Variants in WDR36 observed in about 807,000 individuals in gnomAD.
WDR36 encodes WD repeat domain 36, also known as WD repeat-containing protein 36.
WDR36 carries 63 observed loss-of-function variants against 112.7 expected under a neutral mutation model. The ratio of observed to expected loss-of-function variants is 0.56; its 90% CI spans 0.46 to 0.69. WDR36 has a LOEUF of 0.69. WDR36 is among the 30% of genes least tolerant of loss of function. The probability of loss-of-function intolerance (pLI) is 0.00; values close to 1 mark genes in which losing one functional copy is unlikely to be tolerated. For missense variants in WDR36, 1,226 were observed against 1,070.3 expected, an observed-to-expected ratio of 1.15 and a Z score of -2.03; for synonymous variants, 410 against 362.2, an observed-to-expected ratio of 1.13 and a Z score of -1.50.
At chr5:111,097,564 T>A (rs1041454526) in intron 3 of WDR36, among the ~76,000 whole-genome samples, 3 of 152,244 alleles carry the variant, frequency 2.0e-5, no homozygotes, top group African/African-American at 7.2e-5. Flanking sequence ...TTTATGTGGA[T>A]TGGTTATTTA....
Position 111,126,767 on chromosome 5 carries a change from C to T in WDR36, c.2572C>T (p.Leu858Phe), listed in dbSNP as rs1285220049. 2 of 1,613,558 alleles carry T rather than the reference C, an allele frequency of 1.2e-6. No individual in the cohort carries two copies. The highest frequency in any genetic ancestry group is 4.5e-5 in the East Asian group (2 of 44,836). ...HLKMLPSEPV[L>F]LEEITNLSSQ... ...TAAAATGCTTCCTTCAGAGCCAGTA[C>T]TCCTAGAAGAAATAACAAATTTGTC... is the stretch of plus-strand genomic sequence containing the variant. Residue 858 changes from leucine to phenylalanine, a missense_variant, in exon 23 of 23, where the codon CTC becomes TTC. Leu to Phe is a conservative substitution (Grantham distance 22). Coordinates refer to ENST00000513710, the MANE Select transcript of WDR36 (RefSeq NM_139281.3).
intron 21 of WDR36, among the ~76,000 whole-genome samples, chr5:111,124,949 G>A (rs1753648100): frequency 6.6e-6 from 1 of 152,170 alleles, no homozygotes; most frequent in African/African-American, 2.4e-5. Context: ...TGTCATTGGT[G>A]ATACTCTTTT....
At position 111,124,140 on chromosome 5, in the gene WDR36, A is replaced by C. The variant is rs1353229226; in HGVS notation, c.2301A>C (p.Gln767His). 6.2e-7 allele frequency: 1 copy of C among 1,613,090 alleles called. No individual in the cohort carries two copies. The highest frequency in any genetic ancestry group is 2.2e-5 in the East Asian group (1 of 44,750). ...SKVVNLGVLA[Q>H]KSDFCLKLEE... ...TGGTAAATCTTGGAGTTTTGGCTCA[A>C]AAATCAGATTTCTGCTTGAAACTTG... The change falls in exon 21 of 23, where the codon CAA (glutamine) becomes CAC (histidine). Residue 767 changes from glutamine to histidine, a missense_variant. Transcript: ENST00000513710.
Position 111,099,452 on chromosome 5 carries a change from T to G in WDR36, c.409+613T>G, listed in dbSNP as rs542448717. ...TATATTGCCTCTTGGTTTTTTTTTG[T>G]TTTTTTTTTTGTTTTTTTTTTTTTT... is the stretch of plus-strand genomic sequence containing the variant. On this transcript the variant is annotated intron_variant, in intron 4 of 22. Coordinates refer to ENST00000513710, the MANE Select transcript of WDR36 (RefSeq NM_139281.3). Among the ~76,000 whole-genome samples the G allele has an allele frequency of 7.8e-3, 586 of 74,868 alleles. 1 individual carries two copies. The highest frequency in any genetic ancestry group is 0.036 in the African/African-American group (549 of 15,112). 49.1% of individuals were successfully genotyped at this position (74,868 alleles called of 152,430 possible).
At chr5:111,095,011 G>C in intron 2 of WDR36, 64 bp downstream of exon 2, 1 of 1,461,558 alleles carries the variant, frequency 6.8e-7, no homozygotes, top group Non-Finnish European at 9.4e-7. Context: ...TGACATAAAT[G>C]TGAGACTTAC....
chr5:111,098,979 AAG>A (rs368196240), intron 4 of WDR36, 140 bp downstream of exon 4: 1 of 652,654 alleles, frequency 1.5e-6, no homozygotes, highest in African/African-American at 1.8e-5. Context: ...TTTAACGTGT[AAG>A]AAAAAAAGTT....
At chr5:111,100,905 A>G (rs879844963) in intron 5 of WDR36, among the ~76,000 whole-genome samples, 184 bp downstream of exon 5, 2 of 151,996 alleles carry the variant, frequency 1.3e-5, no homozygotes, top group Non-Finnish European at 2.9e-5. Context: ...ATTCAAGGAA[A>G]AATAAATAAA....
Position 111,123,959 on chromosome 5 carries a change from G to A in WDR36, c.2268+35G>A, listed in dbSNP as rs532647620. Reference sequence around the variant, plus strand: ...AAATTAGAAGATTCTAAGTATATCGGTGTATGTTTGTATGTGTTTTCTGCA... The same window carrying A: ...AAATTAGAAGATTCTAAGTATATCGATGTATGTTTGTATGTGTTTTCTGCA... On this transcript the variant is annotated intron_variant, in intron 20 of 22. Coordinates refer to ENST00000513710, the MANE Select transcript of WDR36 (RefSeq NM_139281.3). 101 of 1,612,372 alleles carry A rather than the reference G, an allele frequency of 6.3e-5. 2 individuals carry two copies. In the South Asian group the frequency reaches 1.1e-3, roughly 17 times the overall value.
chr5:111,107,471 C>T, intron 12 of WDR36, 32 bp downstream of exon 12: 1 of 1,605,936 alleles, frequency 6.2e-7, no homozygotes, highest in Non-Finnish European at 8.5e-7. Context: ...AGTATCTTCT[C>T]TTTAAAACTT....
At chr5:111,117,252 G>A (rs79310117) in intron 16 of WDR36, among the ~76,000 whole-genome samples, 1 of 152,142 alleles carries the variant, frequency 6.6e-6, no homozygotes, top group African/African-American at 2.4e-5. Flanking sequence ...TGATGTGTGT[G>A]TGTTTGTTTC....
chr5:111,117,355 GT>G (rs1753475138), intron 16 of WDR36, among the ~76,000 whole-genome samples: 1 of 152,066 alleles, frequency 6.6e-6, no homozygotes, highest in Non-Finnish European at 1.5e-5. Flanking sequence ...TGAGAGAGGC[GT>G]TTTACCATGG....
At position 111,103,893 on chromosome 5, in the gene WDR36, C is replaced by G; in HGVS notation, c.705C>G (p.Pro235=). 1 of 1,611,144 alleles carries G rather than the reference C, an allele frequency of 6.2e-7. No individual in the cohort carries two copies. Among genetic ancestry groups the G allele is most frequent in the Non-Finnish European group, 8.5e-7 (1 of 1,178,178 alleles). The change falls in exon 7 of 23, where the codon CCC becomes CCG. Residue 235 remains proline (P), a synonymous_variant. Coordinates refer to ENST00000513710, the MANE Select transcript of WDR36 (RefSeq NM_139281.3). ...TGAAGTTTCGTCAAGACTGGGGACC[C>G]ATTACTTCAATTTCATTTCGCACAG... is the stretch of plus-strand genomic sequence containing the variant. ...TLMKFRQDWG[P]ITSISFRTDG...
In WDR36 at chr5:111,092,682, G is replaced by A. The variant is rs1752891801; in HGVS notation, c.162+64G>A. 5 of 1,528,516 alleles carry A rather than the reference G, an allele frequency of 3.3e-6. No homozygotes were observed. The African/African-American group carries it at 4.1e-5, about 12-fold the overall frequency. 94.7% of individuals were successfully genotyped at this position (1,528,516 alleles called of 1,614,324 possible). A position where few individuals can be genotyped will look rare whatever the true frequency, so the allele number is the denominator to read the frequency against. ...CCTCCTTGGCCTCTAACTCTGTCCTGGAGCAGTCCGGTTCTCCCTTCCCAT... is the reference window on the plus strand; with the variant it reads ...CCTCCTTGGCCTCTAACTCTGTCCTAGAGCAGTCCGGTTCTCCCTTCCCAT... On this transcript the variant is annotated intron_variant, in intron 1 of 22. Coordinates refer to ENST00000513710, the MANE Select transcript of WDR36 (RefSeq NM_139281.3).
intron 16 of WDR36, among the ~76,000 whole-genome samples, chr5:111,115,468 T>G (rs987955964): frequency 6.6e-6 from 1 of 152,144 alleles, no homozygotes; most frequent in Non-Finnish European, 1.5e-5. Context: ...GTGACTTAGT[T>G]TATAAATGAC....
intron 22 of WDR36, 34 bp downstream of exon 22, chr5:111,125,829 GTCT>G (rs1255011676): frequency 6.2e-6 from 10 of 1,611,450 alleles, no homozygotes; most frequent in Middle Eastern, 1.6e-4. Context: ...TGCCCAGCTT[GTCT>G]TCTTCTGGGG....
At chr5:111,123,665 C>A in intron 19 of WDR36, 140 bp from the exon 20 acceptor site, 1 of 1,150,182 alleles carries the variant, frequency 8.7e-7, no homozygotes, top group Non-Finnish European at 1.2e-6. Flanking sequence ...CAGAAGAGAT[C>A]ATATTTTAAC....
chr5:111,104,497 A>T lies in WDR36; in HGVS notation c.906+145A>T, dbSNP rs1053108580. The T allele has an allele frequency of 2.2e-6, 3 of 1,385,570 alleles. No individual in the cohort carries two copies. The African/African-American group carries it at 4.3e-5, about 20-fold the overall frequency. 85.8% of individuals were successfully genotyped at this position (1,385,570 alleles called of 1,614,324 possible). ...TTGGTATAGATGAAACAAAAAGCAC[A>T]GCAGGTGACATGATTGCAGTGAAGC... On this transcript the variant is annotated intron_variant, in intron 8 of 22. Transcript: ENST00000513710.
chr5:111,125,910 G>C, intron 22 of WDR36, 115 bp downstream of exon 22: 1 of 1,006,384 alleles, frequency 9.9e-7, no homozygotes. Context: ...CAGTATCATA[G>C]CCACTTGCCA....
intron 2 of WDR36, among the ~76,000 whole-genome samples, chr5:111,096,095 G>A (rs1752972146): frequency 6.6e-6 from 1 of 152,148 alleles, no homozygotes; most frequent in Non-Finnish European, 1.5e-5. Context: ...TACTAATATG[G>A]AATTTGCAGC....
Sources: allele counts gnomAD v4.1 joint callset (sites outside exome capture counted in the v4.1 genomes callset), GRCh38; gene constraint gnomAD v4.1.1; transcripts MANE v1.5; gene names NCBI Gene and HGNC (gene_info 2026-07-23, HGNC 2026-07-21).